The following UPP2 variants were observed in gnomAD, a reference collection of about 807,000 sequenced individuals.
UPP2 encodes UPase 2.
A neutral mutation model predicts 26.7 loss-of-function variants in UPP2; 23 were observed. That is an observed-to-expected ratio of 0.86 (90% CI 0.62 to 1.22). The LOEUF is 1.22. UPP2 is among the 50% of genes most tolerant of loss of function. The pLI is 0.00. For missense variants in UPP2, 387 were observed against 396.7 expected (o/e 0.98, Z 0.21); for synonymous variants, 127 against 141.3 (o/e 0.90, Z 0.72).
intron 3 of UPP2, among the ~76,000 whole-genome samples, chr2:158,033,191 C>T (rs558485450): frequency 2.4e-4 from 36 of 152,210 alleles, no homozygotes; most frequent in African/African-American, 8.7e-4. Context: ...GACCTTTGAG[C>T]ATGGTGTTTC....
intron 3 of UPP2, among the ~76,000 whole-genome samples, chr2:158,040,692 G>T (rs745571739): frequency 1.3e-5 from 2 of 152,144 alleles, no homozygotes; most frequent in Non-Finnish European, 2.9e-5. Context: ...CTCAATGGAG[G>T]TTGCAACAGA....
chr2:158,063,597 TTTTC>T (rs1340304360), intron 3 of UPP2, among the ~76,000 whole-genome samples: 1 of 58,054 alleles, frequency 1.7e-5, no homozygotes. Context: ...CACCATTTTC[TTTTC>T]TTTTTTTTTT....
intron 2 of UPP2, among the ~76,000 whole-genome samples, chr2:158,109,254 T>C (rs1193054556): frequency 6.6e-6 from 1 of 152,138 alleles, no homozygotes; most frequent in African/African-American, 2.4e-5. Context: ...AGGAGAACTC[T>C]GGGTGTATAA....
At chr2:158,097,262 C>T (rs1384949585), upstream of UPP2, among the ~76,000 whole-genome samples, 1 of 152,032 alleles carries the variant, frequency 6.6e-6, no homozygotes, top group Admixed American at 6.6e-5. Flanking sequence ...TGACAATAGT[C>T]AAGTCCTCCT....
upstream of UPP2, among the ~76,000 whole-genome samples, chr2:158,098,795 G>A (rs1683027176): frequency 6.6e-6 from 1 of 152,192 alleles, no homozygotes; most frequent in Non-Finnish European, 1.5e-5. Flanking sequence ...TAAAAACACT[G>A]TCCTCTGCTC....
chr2:158,031,023 T>C (rs1022319887), intron 3 of UPP2, among the ~76,000 whole-genome samples: 1 of 150,402 alleles, frequency 6.6e-6, no homozygotes, highest in African/African-American at 2.4e-5. Context: ...AGTTGTGTTA[T>C]TTTTTTTTTC....
intron 2 of UPP2, chr2:157,995,368 A>G: frequency 8.2e-7 from 1 of 1,218,488 alleles, no homozygotes; most frequent in Non-Finnish European, 1.2e-6. Context: ...TGTTTTCCAC[A>G]TTTCAGCTTC....
intron 3 of UPP2, chr2:158,065,569 C>G (rs13388607): frequency 0.65 from 348,830 of 536,288 alleles, 115,898 homozygotes; most frequent in Admixed American, 0.73. Context: ...CTGTCCAGCT[C>G]CTGTGGAAGT....
At chr2:158,057,178 C>A (rs1321550983) in intron 3 of UPP2, among the ~76,000 whole-genome samples, 1 of 152,168 alleles carries the variant, frequency 6.6e-6, no homozygotes, top group African/African-American at 2.4e-5. Context: ...CCTTGGTCAC[C>A]TGGCCGAGGT....
chr2:158,117,195 C>T (rs1336272394), intron 3 of UPP2, among the ~76,000 whole-genome samples: 1 of 151,916 alleles, frequency 6.6e-6, no homozygotes, highest in Non-Finnish European at 1.5e-5. Context: ...CTGTGTTGAT[C>T]CCTTTTCTGG....
At chr2:158,112,018 A>C (rs1683329696) in intron 2 of UPP2, among the ~76,000 whole-genome samples, 1 of 152,160 alleles carries the variant, frequency 6.6e-6, no homozygotes, top group African/African-American at 2.4e-5. Flanking sequence ...TATTGTTAAG[A>C]TAACTATACT....
chr2:158,083,129 A>T (rs538813710), intron 3 of UPP2, among the ~76,000 whole-genome samples: 1 of 152,332 alleles, frequency 6.6e-6, no homozygotes, highest in South Asian at 2.1e-4. Flanking sequence ...TAGTTCAACC[A>T]TTGTGGAAGA....
At chr2:158,069,857 C>T (rs1167256835) in intron 3 of UPP2, among the ~76,000 whole-genome samples, 1 of 152,136 alleles carries the variant, frequency 6.6e-6, no homozygotes, top group African/African-American at 2.4e-5. Context: ...ATCAGAGAGC[C>T]AGCATGGTCA....
chr2:158,129,755 G>T (rs184896605), intron 6 of UPP2, among the ~76,000 whole-genome samples: 1 of 150,178 alleles, frequency 6.7e-6, no homozygotes, highest in African/African-American at 2.5e-5. Flanking sequence ...AAATAGATAG[G>T]AAGGTTTTTT....
chr2:158,080,779 A>G (rs1682712493), intron 3 of UPP2, among the ~76,000 whole-genome samples: 2 of 152,136 alleles, frequency 1.3e-5, no homozygotes. Context: ...TGTGGGAATG[A>G]AGAAGGGATT....
At chr2:158,084,321 A>G (rs1046471218) in intron 3 of UPP2, among the ~76,000 whole-genome samples, 4 of 152,110 alleles carry the variant, frequency 2.6e-5, no homozygotes, top group African/African-American at 9.6e-5. Flanking sequence ...AGAATTGTCT[A>G]TTCATGTCCT....
intron 3 of UPP2, among the ~76,000 whole-genome samples, chr2:158,023,210 G>T (rs1289418871): frequency 3.2e-5 from 4 of 126,940 alleles, no homozygotes; most frequent in African/African-American, 8.4e-5. Context: ...GTGTGATGAG[G>T]TCATGGGGTT....
intron 6 of UPP2, among the ~76,000 whole-genome samples, chr2:158,131,156 G>C (rs1683810311): frequency 6.6e-6 from 1 of 152,220 alleles, no homozygotes; most frequent in African/African-American, 2.4e-5. Context: ...AACCCTTGAG[G>C]AGCAATGGGG....
chr2:158,025,794 G>A (rs1338376832), intron 3 of UPP2, among the ~76,000 whole-genome samples: 5 of 152,196 alleles, frequency 3.3e-5, no homozygotes, highest in East Asian at 1.9e-4. Context: ...AGCCTCACAC[G>A]GAAGACATCC....
Sources: allele counts gnomAD v4.1 joint callset (sites outside exome capture counted in the v4.1 genomes callset), GRCh38; gene constraint gnomAD v4.1.1; transcripts MANE v1.5; gene names NCBI Gene and HGNC (gene_info 2026-07-23, HGNC 2026-07-21).